SMIM7: variants seen among roughly 807,000 people sequenced by gnomAD.
The protein encoded by SMIM7 is small integral membrane protein 7.
SMIM7 carries 12 observed loss-of-function variants against 13.3 expected under a neutral mutation model. That is an observed-to-expected ratio of 0.90 (90% CI 0.58 to 1.46). The LOEUF (loss-of-function observed/expected upper bound fraction) is 1.46, where lower values mean the gene tolerates loss of function less well. Ranked by LOEUF, SMIM7 falls within the 40% of genes most tolerant of loss-of-function variation. The pLI is 0.00. For synonymous variants in SMIM7, 36 were observed against 35.8 expected (o/e 1.01, Z -0.02); for missense variants, 114 against 94.8 (o/e 1.20, Z -0.84).
chr19:16,647,395 A>G (rs1208123249), intron 4 of SMIM7, 134 bp from the exon 5 acceptor site: 1 of 997,634 alleles, frequency 1.0e-6, no homozygotes, highest in Non-Finnish European at 1.6e-6. Flanking sequence ...TTTTTAAAGT[A>G]ACCTGTGATC....
In SMIM7 at chr19:16,659,738, G is replaced by A. The variant is rs528603729; in HGVS notation, c.68+221C>T. On this transcript the variant is annotated intron_variant, in intron 2 of 4. Transcript: ENST00000487416. ...GATGGGGCTTAAGCTCTCCAGGAAG[G>A]TGAACAGAGGGACAACCAAGGAACG... 6 of 675,222 alleles carry A rather than the reference G, an allele frequency of 8.9e-6. No homozygotes were observed. The East Asian group carries it at 1.4e-4, about 15-fold the overall frequency. 41.8% of individuals were successfully genotyped at this position (675,222 alleles called of 1,614,324 possible). A position where few individuals can be genotyped will look rare whatever the true frequency, so the allele number is the denominator to read the frequency against.
intron 3 of SMIM7, among the ~76,000 whole-genome samples, chr19:16,658,870 C>T (rs1353287082): frequency 2.0e-5 from 3 of 151,802 alleles, no homozygotes; most frequent in African/African-American, 7.3e-5. Context: ...CATAACAGAA[C>T]ATTATAACGG....
exon 5 of SMIM7, chr19:16,631,679 G>A (rs2086322455): frequency 6.6e-6 from 1 of 152,226 alleles, no homozygotes; most frequent in Non-Finnish European, 1.5e-5. Flanking sequence ...TAATAGCCAG[G>A]AGCAACAGCA....
At chr19:16,635,899 A>ATATATAT (rs1555703285) in intron 4 of SMIM7, among the ~76,000 whole-genome samples, 133 of 109,552 alleles carry the variant, frequency 1.2e-3, no homozygotes, top group African/African-American at 4.4e-3. Context: ...AAAAAAAAAA[A>ATATATAT]ATATATATAT....
At position 16,647,020 on chromosome 19, in the gene SMIM7, T is replaced by G; in HGVS notation, c.*226A>C. On this transcript the variant is annotated 3_prime_UTR_variant, in exon 5 of 5. Coordinates refer to ENST00000487416, the MANE Select transcript of SMIM7 (RefSeq NM_024104.4). ...ATAAACGCTCCTGAAACCCTTTCAGTAGACAGCATTTCAATTCAGAGACCA... is the reference window on the plus strand; with the variant it reads ...ATAAACGCTCCTGAAACCCTTTCAGGAGACAGCATTTCAATTCAGAGACCA... 1 of 613,178 alleles carries G rather than the reference T, an allele frequency of 1.6e-6. No individual in the cohort carries two copies. The highest frequency in any genetic ancestry group is 2.9e-6 in the Non-Finnish European group (1 of 344,384). The allele number at this position is 613,178 out of a possible 1,614,324, so 38.0% of individuals were successfully genotyped here.
At chr19:16,656,533 T>C (rs1429653285) in intron 3 of SMIM7, among the ~76,000 whole-genome samples, 4 of 151,992 alleles carry the variant, frequency 2.6e-5, no homozygotes, top group African/African-American at 7.3e-5. Flanking sequence ...GTGGGAAAGT[T>C]TGGGTGTCCT....
chr19:16,633,700 G>A (rs1440335445), intron 4 of SMIM7: 1 of 152,064 alleles, frequency 6.6e-6, no homozygotes, highest in Non-Finnish European at 1.5e-5. Flanking sequence ...TCTGGCCTGG[G>A]TGACAGAGCA....
chr19:16,652,501 C>T (rs559833350), intron 4 of SMIM7: 22 of 1,021,056 alleles, frequency 2.2e-5, no homozygotes, highest in East Asian at 9.6e-5. Context: ...TGCCCCTGGC[C>T]GTTCCTACAA....
At chr19:16,642,568 T>C (rs548097296), downstream of SMIM7, among the ~76,000 whole-genome samples, 4 of 151,138 alleles carry the variant, frequency 2.6e-5, no homozygotes, top group East Asian at 7.8e-4. Context: ...AAGAATGATA[T>C]TGTGGTTCAT....
chr19:16,643,605 C>T (rs2086420885), downstream of SMIM7, among the ~76,000 whole-genome samples: 1 of 152,088 alleles, frequency 6.6e-6, no homozygotes, highest in African/African-American at 2.4e-5. Flanking sequence ...CCATATTGGC[C>T]AGGCTGGTAT....
intron 3 of SMIM7, among the ~76,000 whole-genome samples, chr19:16,657,184 A>G (rs901541985): frequency 1.3e-5 from 2 of 152,210 alleles, no homozygotes; most frequent in African/African-American, 4.8e-5. Context: ...TAAGCCAGGC[A>G]AAGAGGATGG....
chr19:16,645,268 C>T (rs1194016869), downstream of SMIM7: 1 of 152,228 alleles, frequency 6.6e-6, no homozygotes, highest in Non-Finnish European at 1.5e-5. Context: ...ACAGGATTCT[C>T]TTCTGAGAGC....
Position 16,659,438 on chromosome 19 carries a change from C to T in SMIM7, c.78G>A (p.Lys26=), listed in dbSNP as rs1405091573. The T allele has an allele frequency of 1.2e-6, 2 of 1,613,342 alleles. No homozygotes were observed. Among genetic ancestry groups the T allele is most frequent in the South Asian group, 1.1e-5 (1 of 90,760 alleles). ...ACTCCTCCCCAAAGCCCTGCGTGTC[C>T]TTCTTTTTCCTACAAAGAGGAGCAG... The part of the protein sequence containing the change: ...GAVLNFKLKK[K]DTQGFGEESR... The change falls in exon 3 of 5, where the codon AAG becomes AAA. Residue 26 remains lysine, a synonymous_variant. Transcript: ENST00000487416.
At chr19:16,636,123 G>C (rs564678820) in intron 4 of SMIM7, 1 of 152,076 alleles carries the variant, frequency 6.6e-6, no homozygotes, top group South Asian at 2.1e-4. Flanking sequence ...CTTAAATGGG[G>C]AAGAAAGAGG....
chr19:16,649,095 G>C (rs1363770857), intron 4 of SMIM7, among the ~76,000 whole-genome samples: 1 of 152,136 alleles, frequency 6.6e-6, no homozygotes, highest in Non-Finnish European at 1.5e-5. Context: ...AGTTGGCAAG[G>C]ATACGGAGAA....
intron 4 of SMIM7, among the ~76,000 whole-genome samples, chr19:16,633,556 GTGA>G (rs2086337408): frequency 6.6e-6 from 1 of 151,844 alleles, no homozygotes; most frequent in South Asian, 2.1e-4. Flanking sequence ...GCGTGTGTGT[GTGA>G]TGTTGTCACT....
downstream of SMIM7, chr19:16,645,667 T>C (rs1021866461): frequency 4.9e-5 from 6 of 122,490 alleles, no homozygotes; most frequent in African/African-American, 3.1e-4. Context: ...ATTCTTTTTT[T>C]TTTTTTTTTT....
At chr19:16,654,202 G>A in intron 3 of SMIM7, 77 bp from the exon 4 acceptor site, 1 of 1,244,208 alleles carries the variant, frequency 8.0e-7, no homozygotes, top group Non-Finnish European at 1.2e-6. Context: ...GGATTTTTGT[G>A]ACTTCCACCC....
exon 5 of SMIM7, chr19:16,631,125 C>T (rs2086318693): frequency 6.6e-6 from 1 of 152,170 alleles, no homozygotes; most frequent in African/African-American, 2.4e-5. Flanking sequence ...TGGCTCACAT[C>T]TATAATCCCA....
Sources: allele counts gnomAD v4.1 joint callset (sites outside exome capture counted in the v4.1 genomes callset), GRCh38; gene constraint gnomAD v4.1.1; transcripts MANE v1.5; gene names NCBI Gene and HGNC (gene_info 2026-07-23, HGNC 2026-07-21).